The following ZC3H14 variants were observed in gnomAD, a reference collection of about 807,000 sequenced individuals.
ZC3H14 encodes zinc finger CCCH-type containing 14, also known as zinc finger CCCH domain-containing protein 14.
In ZC3H14, 31 loss-of-function variants were observed where a neutral mutation model predicts 92.4. The ratio of observed to expected loss-of-function variants is 0.34; its 90% CI spans 0.25 to 0.45. The LOEUF (loss-of-function observed/expected upper bound fraction) is 0.45, where lower values mean the gene tolerates loss of function less well. ZC3H14 is among the 20% of genes least tolerant of loss of function. The pLI, the probability that ZC3H14 is intolerant of heterozygous loss-of-function variation, is 1.00. For synonymous variants in ZC3H14, 321 were observed against 300.9 expected, an observed-to-expected ratio of 1.07 and a Z score of -0.69; for missense variants, 781 against 897.3, an observed-to-expected ratio of 0.87 and a Z score of 1.66.
At chr14:88,599,320 T>G (rs952738930) in intron 10 of ZC3H14, among the ~76,000 whole-genome samples, 1 of 152,242 alleles carries the variant, frequency 6.6e-6, no homozygotes, top group African/African-American at 2.4e-5. Flanking sequence ...TTTTCCACTT[T>G]GAAAATTTCT....
In ZC3H14 at chr14:88,594,960, A is replaced by G. The variant is rs765640271; in HGVS notation, c.1280-1774A>G. 4 of 1,614,008 alleles carry G rather than the reference A, an allele frequency of 2.5e-6. No individual in the cohort carries two copies. The South Asian group carries it at 3.3e-5, about 13-fold the overall frequency. ...TAAATGTTAGAGTGTCCAAGAATGAAGCAAAAATTTCATCTTTGGAGGTTA... is the reference window on the plus strand; with the variant it reads ...TAAATGTTAGAGTGTCCAAGAATGAGGCAAAAATTTCATCTTTGGAGGTTA... On this transcript the variant is annotated intron_variant, in intron 9 of 16. Coordinates refer to ENST00000251038, the MANE Select transcript of ZC3H14 (RefSeq NM_024824.5).
chr14:88,578,495 C>T (rs1368386241), intron 9 of ZC3H14, among the ~76,000 whole-genome samples: 1 of 152,084 alleles, frequency 6.6e-6, no homozygotes, highest in Non-Finnish European at 1.5e-5. Flanking sequence ...TTTTAATATT[C>T]TCAAAAATGG....
chr14:88,591,429 C>CT (rs1201398471), intron 9 of ZC3H14: 1 of 152,084 alleles, frequency 6.6e-6, no homozygotes, highest in East Asian at 1.9e-4. Flanking sequence ...CAGGGTGAGA[C>CT]TCCATCTCGG....
intron 8 of ZC3H14, among the ~76,000 whole-genome samples, 163 bp downstream of exon 8, chr14:88,576,103 A>G (rs930483650): frequency 6.6e-6 from 1 of 152,226 alleles, no homozygotes. Flanking sequence ...GAAATTGACA[A>G]GTTTGAGAAA....
chr14:88,594,802 A>G (rs955625987), intron 9 of ZC3H14: 1 of 1,614,108 alleles, frequency 6.2e-7, no homozygotes, highest in African/African-American at 1.3e-5. Flanking sequence ...CTTAGGTTCC[A>G]TAACAAGCTC....
In ZC3H14 at chr14:88,616,304, T is replaced by C. The variant is rs964119767; in HGVS notation, c.*4553T>C. ...TGCACACAGAAGTCAAAGGCTCTTATTAGGAACTATAATCTCTATGACAAG... is the reference window on the plus strand; with the variant it reads ...TGCACACAGAAGTCAAAGGCTCTTACTAGGAACTATAATCTCTATGACAAG... On this transcript the variant is annotated 3_prime_UTR_variant, in exon 17 of 17. Coordinates refer to ENST00000251038, the MANE Select transcript of ZC3H14 (RefSeq NM_024824.5). 2.1e-6 allele frequency: 3 copies of C among 1,460,704 alleles called. No individual in the cohort carries two copies. The Admixed American group carries it at 5.0e-5, about 24-fold the overall frequency. 90.5% of individuals were successfully genotyped at this position (1,460,704 alleles called of 1,614,324 possible). A position where few individuals can be genotyped will look rare whatever the true frequency, so the allele number is the denominator to read the frequency against.
intron 9 of ZC3H14, chr14:88,591,089 A>G (rs2083066890): frequency 6.6e-6 from 1 of 152,208 alleles, no homozygotes; most frequent in Non-Finnish European, 1.5e-5. Context: ...ATGTATACCA[A>G]TATATGTATT....
At chr14:88,574,942 T>C (rs1309373175) in intron 7 of ZC3H14, 89 bp downstream of exon 7, 37 of 1,584,720 alleles carry the variant, frequency 2.3e-5, no homozygotes, top group Non-Finnish European at 3.2e-5. Flanking sequence ...AAAATAATTT[T>C]TGTTTGTTTT....
intron 10 of ZC3H14, among the ~76,000 whole-genome samples, chr14:88,598,617 C>G (rs1019123529): frequency 6.6e-6 from 1 of 152,198 alleles, no homozygotes; most frequent in African/African-American, 2.4e-5. Flanking sequence ...ATCTAATTGC[C>G]TTTAAAAATT....
At chr14:88,568,701 G>A (rs1208562503) in intron 3 of ZC3H14, among the ~76,000 whole-genome samples, 1 of 152,118 alleles carries the variant, frequency 6.6e-6, no homozygotes, top group Non-Finnish European at 1.5e-5. Flanking sequence ...GTTGAATCCT[G>A]GCTGTGTCTT....
At chr14:88,576,087 T>C in intron 8 of ZC3H14, 147 bp downstream of exon 8, 1 of 721,784 alleles carries the variant, frequency 1.4e-6, no homozygotes, top group Non-Finnish European at 2.3e-6. Context: ...AAAATGGCTT[T>C]AAAAGGAAAT....
chr14:88,571,880 C>T (rs2080455668), intron 4 of ZC3H14, 150 bp from the exon 5 acceptor site: 2 of 509,950 alleles, frequency 3.9e-6, no homozygotes, highest in Non-Finnish European at 3.2e-6. Context: ...AGGAGAATCG[C>T]TTGAACCAGG....
At chr14:88,610,971 A>G in intron 16 of ZC3H14, 31 bp downstream of exon 16, 1 of 1,553,678 alleles carries the variant, frequency 6.4e-7, no homozygotes, top group Non-Finnish European at 8.9e-7. Flanking sequence ...TTCTCATGTC[A>G]GTTCAAATTC....
chr14:88,594,889 G>A, intron 9 of ZC3H14: 1 of 1,613,956 alleles, frequency 6.2e-7, no homozygotes, highest in Non-Finnish European at 8.5e-7. Flanking sequence ...TGAAATTAAA[G>A]GAATGAAAGC....
In ZC3H14 at chr14:88,613,394, C is replaced by A. The variant is rs1390987498; in HGVS notation, c.*1643C>A. 6.6e-6 allele frequency: 1 copy of A among 151,808 alleles called. No individual in the cohort carries two copies. Among genetic ancestry groups the A allele is most frequent in the Admixed American group, 6.6e-5 (1 of 15,242 alleles). 9.4% of individuals were successfully genotyped at this position (151,808 alleles called of 1,614,324 possible). ...AATATCTGGAAATACTTTTAGCTAT[C>A]ATTTATAAAGATAGTTTTGTTCTCA... On this transcript the variant is annotated 3_prime_UTR_variant, in exon 17 of 17. Coordinates refer to ENST00000251038, the MANE Select transcript of ZC3H14 (RefSeq NM_024824.5).
chr14:88,572,507 A>C (rs2080566713), intron 5 of ZC3H14, 71 bp from the exon 6 acceptor site: 3 of 1,578,932 alleles, frequency 1.9e-6, no homozygotes, highest in South Asian at 2.2e-5. Context: ...TTTTCAAGTA[A>C]ACATTCTTTA....
chr14:88,591,831 T>C (rs2083176764), intron 9 of ZC3H14: 1 of 152,224 alleles, frequency 6.6e-6, no homozygotes, highest in South Asian at 2.1e-4. Context: ...TGTGACATTT[T>C]TGTTCCACTT....
At position 88,615,294 on chromosome 14, in the gene ZC3H14, G is replaced by A. The variant is rs2087420738; in HGVS notation, c.*3543G>A. 6.6e-6 allele frequency: 1 copy of A among 152,246 alleles called. No homozygotes were observed. Among genetic ancestry groups the A allele is most frequent in the African/African-American group, 2.4e-5 (1 of 41,456 alleles). 9.4% of individuals were successfully genotyped at this position (152,246 alleles called of 1,614,324 possible). A position where few individuals can be genotyped will look rare whatever the true frequency, so the allele number is the denominator to read the frequency against. On this transcript the variant is annotated 3_prime_UTR_variant, in exon 17 of 17. Transcript: ENST00000251038. ...CATCATATTCTCTAGGAAAGCTTGT[G>A]TCTGTTTCCTTAGGGAAAATGTTTG...
chr14:88,569,954 A>G (rs2116446), intron 3 of ZC3H14, among the ~76,000 whole-genome samples: 143,314 of 152,164 alleles, frequency 0.94, 67,912 homozygotes, highest in Non-Finnish European at 1. Context: ...CCAGCCCCCC[A>G]CAAAAAAAGA....
Sources: gnomAD v4.1 joint callset for allele counts (sites outside exome capture counted in the v4.1 genomes callset) on GRCh38, gnomAD v4.1.1 for gene constraint, MANE v1.5 for transcripts, NCBI Gene and HGNC (gene_info 2026-07-23, HGNC 2026-07-21) for gene names.